Variants in SMYD3 observed in about 807,000 individuals in gnomAD.
SMYD3 encodes histone-lysine N-methyltransferase SMYD3.
In SMYD3, 36 loss-of-function variants were observed where a neutral mutation model predicts 57.7. That is an observed-to-expected ratio of 0.62 (90% CI 0.48 to 0.82). The LOEUF (loss-of-function observed/expected upper bound fraction) is 0.82, where lower values mean the gene tolerates loss of function less well. Among genes scored for constraint, SMYD3 ranks in the 40% least tolerant of loss-of-function variants. The pLI, the probability that SMYD3 is intolerant of heterozygous loss-of-function variation, is 0.00. For synonymous variants in SMYD3, 211 were observed against 195.0 expected, an observed-to-expected ratio of 1.08 and a Z score of -0.68; for missense variants, 515 against 538.8, an observed-to-expected ratio of 0.96 and a Z score of 0.44.
intron 5 of SMYD3, among the ~76,000 whole-genome samples, chr1:246,076,495 TA>T (rs143412507): frequency 2.0e-5 from 3 of 151,654 alleles, no homozygotes; most frequent in East Asian, 3.9e-4. Context: ...CCTCTGGGTT[TA>T]AAAAAAAATC....
In SMYD3 at chr1:246,218,399, G is replaced by A. The variant is rs75364058; in HGVS notation, c.531+108802C>T. The stretch of plus-strand genomic sequence containing the variant: ...AGCACTTTGGGAGGCCGAGGCAGGC[G>A]GATCACGAGGTCAGGAGATCGAGAC... On this transcript the variant is annotated intron_variant, in intron 5 of 11. Coordinates refer to ENST00000490107, the MANE Select transcript of SMYD3 (RefSeq NM_001167740.2). 1.1e-3 allele frequency among the ~76,000 whole-genome samples: 168 copies of A among 152,158 alleles called. No homozygotes were observed. The East Asian group carries it at 0.015, about 14-fold the overall frequency.
intron 2 of SMYD3, among the ~76,000 whole-genome samples, chr1:246,345,564 G>A (rs544604241): frequency 2.0e-5 from 3 of 152,158 alleles, no homozygotes; most frequent in Non-Finnish European, 4.4e-5. Flanking sequence ...TTTCCTTTGG[G>A]TATCATGCTG....
intron 5 of SMYD3, among the ~76,000 whole-genome samples, chr1:245,987,970 A>G (rs2058735852): frequency 6.6e-6 from 1 of 152,258 alleles, no homozygotes; most frequent in South Asian, 2.1e-4. Flanking sequence ...TCTGGCATGG[A>G]GGCCAGAAAA....
intron 1 of SMYD3, among the ~76,000 whole-genome samples, chr1:246,424,639 G>A (rs2067190103): frequency 6.6e-6 from 1 of 152,128 alleles, no homozygotes; most frequent in African/African-American, 2.4e-5. Context: ...TCATAAAATA[G>A]CTGTGTATGA....
intron 5 of SMYD3, among the ~76,000 whole-genome samples, chr1:246,153,926 C>T (rs1474948192): frequency 1.3e-5 from 2 of 152,184 alleles, no homozygotes. Context: ...ATAATATGTA[C>T]TGTGACATCA....
Position 246,031,015 on chromosome 1 carries a change from C to T in SMYD3, c.532-101078G>A, listed in dbSNP as rs187883189. 2.8e-3 allele frequency among the ~76,000 whole-genome samples: 422 copies of T among 152,238 alleles called. 1 individual carries two copies. The highest frequency in any genetic ancestry group is 9.8e-3 in the African/African-American group (407 of 41,538). On this transcript the variant is annotated intron_variant, in intron 5 of 11. Coordinates refer to ENST00000490107, the MANE Select transcript of SMYD3 (RefSeq NM_001167740.2). ...AGGACAGGGCTGCTTCCCCAAAACA[C>T]TGTTTGAAAAAATCACTGATGTATT...
At chr1:245,895,313 C>T (rs1030259286) in intron 8 of SMYD3, among the ~76,000 whole-genome samples, 2 of 152,134 alleles carry the variant, frequency 1.3e-5, no homozygotes, top group African/African-American at 2.4e-5. Context: ...CGCACACGCA[C>T]GCACACACTT....
intron 5 of SMYD3, among the ~76,000 whole-genome samples, chr1:246,049,946 G>A (rs962579111): frequency 2.3e-4 from 35 of 151,990 alleles, no homozygotes; most frequent in African/African-American, 7.7e-4. Context: ...TTTTTCAATA[G>A]ACGTAGTAAA....
Position 246,413,840 on chromosome 1 carries a change from G to A in SMYD3, c.165-58746C>T, listed in dbSNP as rs534175685. ...ATCTTTATAAATTGCCCAGCCTCAG[G>A]TACTTCTTTATAGCAACACAACAGC... On this transcript the variant is annotated intron_variant, in intron 1 of 11. Coordinates refer to ENST00000490107, the MANE Select transcript of SMYD3 (RefSeq NM_001167740.2). Among the ~76,000 whole-genome samples, 100 of 152,228 alleles carry A rather than the reference G, an allele frequency of 6.6e-4. 1 individual carries two copies. Among genetic ancestry groups the A allele is most frequent in the African/African-American group, 2.4e-3 (99 of 41,536 alleles).
intron 8 of SMYD3, among the ~76,000 whole-genome samples, chr1:245,866,603 A>G (rs2362580): frequency 0.99 from 150,850 of 152,210 alleles, 74,767 homozygotes; most frequent in East Asian, 1. Flanking sequence ...CTAGTGGCAC[A>G]CGCCTGTAAT....
chr1:246,151,103 AGGCGC>A (rs1396920017), intron 5 of SMYD3, among the ~76,000 whole-genome samples: 1 of 151,942 alleles, frequency 6.6e-6, no homozygotes, highest in Non-Finnish European at 1.5e-5. Flanking sequence ...AAAATTAGCC[AGGCGC>A]GGTGGCGGGC....
intron 1 of SMYD3, among the ~76,000 whole-genome samples, chr1:246,492,986 T>C (rs947799829): frequency 2.6e-5 from 4 of 152,238 alleles, no homozygotes; most frequent in Non-Finnish European, 5.9e-5. Flanking sequence ...AGGTACATTG[T>C]TTCTTTTGTG....
At chr1:246,086,248 G>A (rs1028729034) in intron 5 of SMYD3, among the ~76,000 whole-genome samples, 2 of 151,936 alleles carry the variant, frequency 1.3e-5, no homozygotes, top group Non-Finnish European at 2.9e-5. Context: ...TTTTGTCAGC[G>A]AACTGCTACT....
chr1:246,015,696 C>G (rs981448066), intron 5 of SMYD3, among the ~76,000 whole-genome samples: 1 of 152,184 alleles, frequency 6.6e-6, no homozygotes, highest in Non-Finnish European at 1.5e-5. Flanking sequence ...GCAATATTTG[C>G]CCTTTTGTAA....
At chr1:246,002,234 G>T (rs1374579576) in intron 5 of SMYD3, among the ~76,000 whole-genome samples, 1 of 148,216 alleles carries the variant, frequency 6.7e-6, no homozygotes, top group Non-Finnish European at 1.5e-5. Flanking sequence ...ACCCAGGCTG[G>T]AGTGCTGTGG....
chr1:245,841,568 G>A (rs971033831), intron 10 of SMYD3, among the ~76,000 whole-genome samples: 9 of 151,716 alleles, frequency 5.9e-5, no homozygotes, highest in African/African-American at 1.2e-4. Context: ...CTAAACGGAC[G>A]GAAACACAAA....
chr1:246,237,141 G>A (rs1445401856), intron 5 of SMYD3, among the ~76,000 whole-genome samples: 1 of 152,126 alleles, frequency 6.6e-6, no homozygotes, highest in Admixed American at 6.5e-5. Context: ...AACATGAGTA[G>A]GCGCAGAAAG....
At chr1:245,994,949 AC>A (rs1160392698) in intron 5 of SMYD3, among the ~76,000 whole-genome samples, 2 of 152,092 alleles carry the variant, frequency 1.3e-5, no homozygotes, top group African/African-American at 4.8e-5. Flanking sequence ...ACATGGTGAA[AC>A]CCTGTCTCTA....
rs1371141811 is a variant in SMYD3, at chr1:246,169,393, A to AC, written c.531+157807_531+157808insG. ...AAAGACTTTCTTTCAAAAAAAAAAA[A>AC]AAAAAAAAAAACCTCTAACAATATA... On this transcript the variant is annotated intron_variant, in intron 5 of 11. Coordinates refer to ENST00000490107, the MANE Select transcript of SMYD3 (RefSeq NM_001167740.2). 1.6e-3 allele frequency among the ~76,000 whole-genome samples: 246 copies of AC among 150,620 alleles called. 6 individuals are homozygous for AC. The highest frequency in any genetic ancestry group is 5.6e-3 in the African/African-American group (228 of 40,882).
Sources: allele counts gnomAD v4.1 joint callset (sites outside exome capture counted in the v4.1 genomes callset), GRCh38; gene constraint gnomAD v4.1.1; transcripts MANE v1.5; gene names NCBI Gene and HGNC (gene_info 2026-07-23, HGNC 2026-07-21).